The following PIAS2 variants were observed in gnomAD, a reference collection of about 807,000 sequenced individuals.
PIAS2 encodes the protein protein inhibitor of activated STAT 2.
A neutral mutation model predicts 69.7 loss-of-function variants in PIAS2; 19 were observed. The observed-to-expected ratio is 0.27, with a 90% CI of 0.19 to 0.40. PIAS2 has a LOEUF of 0.40. Among genes scored for constraint, PIAS2 ranks in the 10% least tolerant of loss-of-function variants. The pLI is 1.00. For synonymous variants in PIAS2, 261 were observed against 263.2 expected, an observed-to-expected ratio of 0.99 and a Z score of 0.08; for missense variants, 624 against 757.0, an observed-to-expected ratio of 0.82 and a Z score of 2.06.
At chr18:46,906,778 G>GGA (rs1568882139) in intron 1 of PIAS2, among the ~76,000 whole-genome samples, 1 of 145,308 alleles carries the variant, frequency 6.9e-6, no homozygotes, top group Non-Finnish European at 1.5e-5. Context: ...GTGTGTGGGG[G>GGA]GGGGGGGAGG....
At chr18:46,897,101 G>T (rs182643526) in intron 1 of PIAS2, among the ~76,000 whole-genome samples, 1 of 152,246 alleles carries the variant, frequency 6.6e-6, no homozygotes, top group African/African-American at 2.4e-5. Flanking sequence ...GCTTGAACAG[G>T]GGAAACTGGG....
upstream of PIAS2, among the ~76,000 whole-genome samples, chr18:46,918,581 A>T (rs902432400): frequency 6.6e-6 from 1 of 151,960 alleles, no homozygotes; most frequent in Non-Finnish European, 1.5e-5. Context: ...CCGCCTCCCG[A>T]GTAGCTGCGA....
chr18:46,887,866 A>G (rs190251880), intron 2 of PIAS2, among the ~76,000 whole-genome samples: 83 of 152,326 alleles, frequency 5.4e-4, no homozygotes, highest in African/African-American at 2.0e-3. Flanking sequence ...TTCTAGCCAG[A>G]GCAACTAAGC....
rs2040584608 is a variant in PIAS2, at chr18:46,804,099, T to C, written c.*8334A>G. 1.3e-5 allele frequency: 2 copies of C among 152,166 alleles called. No individual in the cohort carries two copies. The highest frequency in any genetic ancestry group is 2.4e-5 in the African/African-American group (1 of 41,434). 9.4% of individuals were successfully genotyped at this position (152,166 alleles called of 1,614,324 possible). On this transcript the variant is annotated 3_prime_UTR_variant, in exon 14 of 14. Transcript: ENST00000585916. ...CCAGTCAGCATAAGTCAAATGCAAA[T>C]GGTTATCCACCATTTCTTCATCCAC...
rs2040547929 is a variant in PIAS2, at chr18:46,803,246, T to C, written c.*9187A>G. ...TAGTTTAATTAGCAGGTTTAATTTTTCTTTAATGTCTTACAATCAGGTACT... is the reference window on the plus strand; with the variant it reads ...TAGTTTAATTAGCAGGTTTAATTTTCCTTTAATGTCTTACAATCAGGTACT... On this transcript the variant is annotated 3_prime_UTR_variant, in exon 14 of 14. Coordinates refer to ENST00000585916, the MANE Select transcript of PIAS2 (RefSeq NM_004671.5). 1.3e-5 allele frequency: 2 copies of C among 152,114 alleles called. No homozygotes were observed. Among genetic ancestry groups the C allele is most frequent in the African/African-American group, 4.8e-5 (2 of 41,430 alleles). 9.4% of individuals were successfully genotyped at this position (152,114 alleles called of 1,614,324 possible). A position where few individuals can be genotyped will look rare whatever the true frequency, so the allele number is the denominator to read the frequency against.
At chr18:46,918,668 C>T (rs530086252), upstream of PIAS2, among the ~76,000 whole-genome samples, 20 of 152,152 alleles carry the variant, frequency 1.3e-4, no homozygotes, top group Non-Finnish European at 2.8e-4. Flanking sequence ...GTGATCCGCC[C>T]GCCTCGGCCT....
At chr18:46,915,872 T>C (rs1446649907) in intron 1 of PIAS2, among the ~76,000 whole-genome samples, 1 of 151,866 alleles carries the variant, frequency 6.6e-6, no homozygotes, top group African/African-American at 2.4e-5. Flanking sequence ...AAAATAAATA[T>C]AACTTCAGAG....
intron 2 of PIAS2, among the ~76,000 whole-genome samples, chr18:46,868,424 A>G (rs2049819940): frequency 6.6e-6 from 1 of 152,148 alleles, no homozygotes; most frequent in South Asian, 2.1e-4. Context: ...TCCCTGCCGA[A>G]ACTACCCTTC....
chr18:46,861,937 T>C (rs928699355), intron 3 of PIAS2, among the ~76,000 whole-genome samples: 8 of 152,172 alleles, frequency 5.3e-5, no homozygotes, highest in African/African-American at 1.4e-4. Context: ...GTTTTGATCA[T>C]TGTACTATGG....
intron 2 of PIAS2, among the ~76,000 whole-genome samples, chr18:46,873,913 C>T (rs1322567555): frequency 2.6e-5 from 4 of 152,150 alleles, no homozygotes; most frequent in African/African-American, 9.7e-5. Context: ...CATCTTCTCC[C>T]CCGCTGAAAA....
intron 11 of PIAS2, among the ~76,000 whole-genome samples, chr18:46,826,110 T>G (rs1349050993): frequency 1.3e-5 from 2 of 152,208 alleles, no homozygotes; most frequent in African/African-American, 4.8e-5. Flanking sequence ...TATACAGACT[T>G]TTAAAATAAA....
chr18:46,910,488 G>C (rs959565292), intron 1 of PIAS2, among the ~76,000 whole-genome samples: 12 of 152,088 alleles, frequency 7.9e-5, no homozygotes, highest in African/African-American at 2.9e-4. Context: ...ACCAATTCAG[G>C]GAAGTGTCTC....
At position 46,809,355 on chromosome 18, in the gene PIAS2, G is replaced by A. The variant is rs1568318980; in HGVS notation, c.*3078C>T. 6.6e-6 allele frequency: 1 copy of A among 152,358 alleles called. No homozygotes were observed. Among genetic ancestry groups the A allele is most frequent in the South Asian group, 2.1e-4 (1 of 4,824 alleles). 9.4% of individuals were successfully genotyped at this position (152,358 alleles called of 1,614,324 possible). On this transcript the variant is annotated 3_prime_UTR_variant, in exon 14 of 14. Coordinates refer to ENST00000585916, the MANE Select transcript of PIAS2 (RefSeq NM_004671.5). ...CACCTAATTGTCAGAAAGTGAGTGA[G>A]TGACAACAGACCTCAGGCACGAAAC...
rs1156243567 is a variant in PIAS2 at position 46,890,695 on chromosome 18, G to A, written c.384C>T (p.Pro128=). The change falls in exon 2 of 14, where the codon CCC becomes CCT. Residue 128 remains proline, a synonymous_variant. Coordinates refer to ENST00000585916, the MANE Select transcript of PIAS2 (RefSeq NM_004671.5). ...VGSVLLQDTK[P]TFEMQQPSPP... ...GAGATGGCTGCTGCATCTCAAATGT[G>A]GGCTTAGTATCTTGAAGCAGCACAG... 25 of 1,613,926 alleles carry A rather than the reference G, an allele frequency of 1.5e-5. No homozygotes were observed. Among genetic ancestry groups the A allele is most frequent in the Non-Finnish European group, 2.0e-5 (24 of 1,179,948 alleles).
At chr18:46,876,996 G>A (rs533382122) in intron 2 of PIAS2, among the ~76,000 whole-genome samples, 104 of 152,228 alleles carry the variant, frequency 6.8e-4, no homozygotes, top group Non-Finnish European at 1.3e-3. Flanking sequence ...CACAGTGCCC[G>A]GCCTCCTTCA....
intron 1 of PIAS2, chr18:46,891,783 T>C (rs1053492699): frequency 4.8e-6 from 1 of 207,798 alleles, no homozygotes. Context: ...CTCTACTGGC[T>C]TGTGCTTGGG....
intron 1 of PIAS2, among the ~76,000 whole-genome samples, chr18:46,894,741 G>A (rs1041650081): frequency 6.6e-6 from 1 of 152,052 alleles, no homozygotes; most frequent in Non-Finnish European, 1.5e-5. Flanking sequence ...ATACAAAGAT[G>A]AAGGCAAGCT....
intron 12 of PIAS2, chr18:46,817,522 G>T (rs778511137): frequency 5.3e-4 from 502 of 941,342 alleles, no homozygotes; most frequent in Admixed American, 1.5e-3. Context: ...GATTTCATGT[G>T]TGTGGTAAAT....
At chr18:46,888,448 C>G (rs2053547483) in intron 2 of PIAS2, among the ~76,000 whole-genome samples, 1 of 151,810 alleles carries the variant, frequency 6.6e-6, no homozygotes, top group African/African-American at 2.4e-5. Flanking sequence ...AACAATCTTA[C>G]AAAATAATTA....
Sources: allele counts gnomAD v4.1 joint callset (sites outside exome capture counted in the v4.1 genomes callset), GRCh38; gene constraint gnomAD v4.1.1; transcripts MANE v1.5; gene names NCBI Gene and HGNC (gene_info 2026-07-23, HGNC 2026-07-21).